The following FGGY variants were observed in gnomAD, a reference collection of about 807,000 sequenced individuals.
FGGY encodes the protein FGGY carbohydrate kinase domain-containing protein.
A neutral mutation model predicts 71.3 loss-of-function variants in FGGY; 72 were observed. The observed-to-expected ratio is 1.01, with a 90% CI of 0.84 to 1.23. The LOEUF (loss-of-function observed/expected upper bound fraction) is 1.23, where lower values mean the gene tolerates loss of function less well. Ranked by LOEUF, FGGY falls within the 50% of genes most tolerant of loss-of-function variation. The probability of loss-of-function intolerance (pLI) is 0.00; values close to 1 mark genes in which losing one functional copy is unlikely to be tolerated. For synonymous variants in FGGY, 251 were observed against 250.3 expected (o/e 1.00, Z -0.02); for missense variants, 668 against 682.3 (o/e 0.98, Z 0.23).
intron 14 of FGGY, among the ~76,000 whole-genome samples, chr1:59,720,427 T>G (rs2097880707): frequency 6.6e-6 from 1 of 152,356 alleles, no homozygotes; most frequent in African/African-American, 2.4e-5. Flanking sequence ...ATGTGCAAAA[T>G]GAAATGAGAG....
intron 2 of FGGY, among the ~76,000 whole-genome samples, chr1:59,337,819 T>C (rs908969115): frequency 6.6e-6 from 1 of 152,212 alleles, no homozygotes; most frequent in Admixed American, 6.5e-5. Flanking sequence ...AAAGACACTT[T>C]AACTTCTTTT....
chr1:59,409,915 C>A (rs1047550436), intron 5 of FGGY, among the ~76,000 whole-genome samples: 2 of 152,128 alleles, frequency 1.3e-5, no homozygotes, highest in Admixed American at 1.3e-4. Context: ...GGTGTATTAC[C>A]TCCATTTTAG....
chr1:59,645,023 G>A (rs1477924704), intron 11 of FGGY, among the ~76,000 whole-genome samples: 1 of 152,000 alleles, frequency 6.6e-6, no homozygotes, highest in African/African-American at 2.4e-5. Context: ...ATCAGGAATA[G>A]TTGCATGTTT....
chr1:59,716,012 G>C (rs905668127), intron 14 of FGGY, among the ~76,000 whole-genome samples: 1 of 152,074 alleles, frequency 6.6e-6, no homozygotes, highest in Non-Finnish European at 1.5e-5. Flanking sequence ...TTACTATCTG[G>C]CCCTTCATAG....
chr1:59,655,809 A>G (rs1265012038), intron 11 of FGGY, among the ~76,000 whole-genome samples: 1 of 152,196 alleles, frequency 6.6e-6, no homozygotes, highest in East Asian at 1.9e-4. Flanking sequence ...AAATAATTTG[A>G]GGTATTATCC....
At chr1:59,472,863 C>T (rs2093037997) in intron 6 of FGGY, among the ~76,000 whole-genome samples, 1 of 152,078 alleles carries the variant, frequency 6.6e-6, no homozygotes, top group Non-Finnish European at 1.5e-5. Context: ...CACCAATCAG[C>T]ACCCAGTGTC....
At chr1:59,651,278 C>T (rs1437632288) in intron 11 of FGGY, among the ~76,000 whole-genome samples, 2 of 152,008 alleles carry the variant, frequency 1.3e-5, no homozygotes, top group Non-Finnish European at 2.9e-5. Context: ...CCGCTTGGTG[C>T]AGAGCTGAGT....
At chr1:59,425,253 A>G (rs138891332) in intron 5 of FGGY, among the ~76,000 whole-genome samples, 139 of 152,304 alleles carry the variant, frequency 9.1e-4, no homozygotes, top group African/African-American at 2.8e-3. Context: ...ACGTAGTAAC[A>G]TTTGATTAAA....
intron 9 of FGGY, among the ~76,000 whole-genome samples, chr1:59,625,087 A>G (rs146073237): frequency 3.9e-5 from 6 of 152,312 alleles, no homozygotes; most frequent in Admixed American, 3.9e-4. Flanking sequence ...CTGTGCAGCC[A>G]AAAGACCAAA....
chr1:59,316,391 C>A (rs1172214037), intron 1 of FGGY: 1 of 152,136 alleles, frequency 6.6e-6, no homozygotes, highest in Non-Finnish European at 1.5e-5. Context: ...CTCTGAGATG[C>A]TTCAGAGGGA....
chr1:59,541,782 C>T (rs1472481550), intron 7 of FGGY, among the ~76,000 whole-genome samples: 3 of 152,108 alleles, frequency 2.0e-5, no homozygotes. Flanking sequence ...ACCATTTCAA[C>T]AGCTTAATGG....
At chr1:59,666,104 T>C (rs930653990) in intron 12 of FGGY, among the ~76,000 whole-genome samples, 1 of 152,210 alleles carries the variant, frequency 6.6e-6, no homozygotes, top group Non-Finnish European at 1.5e-5. Context: ...AACCAAGATA[T>C]TGGCTCATGC....
At chr1:59,507,823 C>T (rs1426696030) in intron 6 of FGGY, among the ~76,000 whole-genome samples, 1 of 151,690 alleles carries the variant, frequency 6.6e-6, no homozygotes, top group East Asian at 1.9e-4. Context: ...GCATGAGCAA[C>T]CACGCCCGGC....
intron 5 of FGGY, among the ~76,000 whole-genome samples, chr1:59,433,391 G>C (rs2067780280): frequency 6.6e-6 from 1 of 152,176 alleles, no homozygotes; most frequent in African/African-American, 2.4e-5. Flanking sequence ...TTTCAGAATT[G>C]TTCAGGCTGC....
chr1:59,383,814 C>T lies in FGGY; in HGVS notation c.554+4977C>T, dbSNP rs145621397. ...TGGAAGCCCCTGCTTTGAGTTTTCT[C>T]ACCCATCCGGATCAAATCAGTATTA... On this transcript the variant is annotated intron_variant, in intron 5 of 15. Coordinates refer to ENST00000303721, the MANE Select transcript of FGGY (RefSeq NM_018291.5). Among the ~76,000 whole-genome samples the T allele has an allele frequency of 1.1e-3, 169 of 152,278 alleles. 3 individuals are homozygous for T. Among genetic ancestry groups the T allele is most frequent in the Non-Finnish European group, 1.5e-5 (1 of 68,008 alleles).
chr1:59,757,856 T>C, intron 14 of FGGY, 75 bp from the exon 15 acceptor site: 2 of 970,022 alleles, frequency 2.1e-6, no homozygotes, highest in East Asian at 5.0e-5. Flanking sequence ...CAAATTAGAA[T>C]GTTTTGCCTG....
At chr1:59,538,014 A>G (rs903108488) in intron 7 of FGGY, among the ~76,000 whole-genome samples, 2 of 152,188 alleles carry the variant, frequency 1.3e-5, no homozygotes, top group African/African-American at 4.8e-5. Context: ...CATTAAACTA[A>G]AGAGCTTCTG....
At chr1:59,481,419 T>C (rs758667275) in intron 6 of FGGY, among the ~76,000 whole-genome samples, 10 of 152,118 alleles carry the variant, frequency 6.6e-5, no homozygotes, top group African/African-American at 2.4e-4. Flanking sequence ...CTCCCAGTGG[T>C]CCTTTGTGGC....
chr1:59,622,372 T>C (rs2096819118), intron 9 of FGGY, among the ~76,000 whole-genome samples: 1 of 152,124 alleles, frequency 6.6e-6, no homozygotes, highest in Non-Finnish European at 1.5e-5. Context: ...TGATTTGGGG[T>C]CATATTTTGG....
Sources: gnomAD v4.1 joint callset for allele counts (sites outside exome capture counted in the v4.1 genomes callset) on GRCh38, gnomAD v4.1.1 for gene constraint, MANE v1.5 for transcripts, NCBI Gene and HGNC (gene_info 2026-07-23, HGNC 2026-07-21) for gene names.